SLC25A48: variants seen among roughly 807,000 people sequenced by gnomAD.
The protein encoded by SLC25A48 is CTC-321K16.1.
Under a neutral mutation model 32.2 loss-of-function variants are expected in SLC25A48, and 29 were observed. The ratio of observed to expected loss-of-function variants is 0.90; its 90% CI spans 0.67 to 1.23. SLC25A48 has a LOEUF of 1.23. Among genes scored for constraint, SLC25A48 ranks in the 50% most tolerant of loss-of-function variants. The probability of loss-of-function intolerance (pLI) is 0.00; values close to 1 mark genes in which losing one functional copy is unlikely to be tolerated. For synonymous variants in SLC25A48, 164 were observed against 172.3 expected (o/e 0.95, Z 0.38); for missense variants, 399 against 422.7 (o/e 0.94, Z 0.49).
At chr5:135,852,504 C>G in intron 3 of SLC25A48, 59 bp from the exon 4 acceptor site, 2 of 1,544,186 alleles carry the variant, frequency 1.3e-6, no homozygotes, top group South Asian at 1.2e-5. Flanking sequence ...CGTCAGCCTG[C>G]AGGCTCTGCG....
intron 3 of SLC25A48, among the ~76,000 whole-genome samples, chr5:135,795,662 A>T (rs568808031): frequency 1.3e-5 from 2 of 151,804 alleles, no homozygotes; most frequent in East Asian, 3.9e-4. Context: ...ATGGTTCATA[A>T]TATTCAGGGG....
chr5:135,805,188 G>C (rs11959683), intron 3 of SLC25A48, among the ~76,000 whole-genome samples: 1,777 of 150,898 alleles, frequency 0.012, 32 homozygotes, highest in African/African-American at 0.041. Context: ...TAATCTCCTA[G>C]GGAGATATTA....
chr5:135,742,103 A>C (rs867884773), intron 3 of SLC25A48, among the ~76,000 whole-genome samples: 6 of 152,094 alleles, frequency 3.9e-5, no homozygotes, highest in African/African-American at 1.4e-4. Flanking sequence ...TTTGTATTTG[A>C]GAGTCTCATT....
intron 3 of SLC25A48, among the ~76,000 whole-genome samples, chr5:135,732,992 G>A (rs901023321): frequency 9.9e-5 from 15 of 152,194 alleles, no homozygotes; most frequent in Admixed American, 9.8e-4. Context: ...TTTTATTAAA[G>A]AGGCATTAAT....
At chr5:135,585,136 C>A (rs1751333155) in intron 1 of SLC25A48, among the ~76,000 whole-genome samples, 1 of 152,108 alleles carries the variant, frequency 6.6e-6, no homozygotes, top group African/African-American at 2.4e-5. Flanking sequence ...AGGGTCTAGG[C>A]CCATCTTTAG....
chr5:135,733,730 G>A (rs1755286961), intron 3 of SLC25A48, among the ~76,000 whole-genome samples: 1 of 152,188 alleles, frequency 6.6e-6, no homozygotes. Flanking sequence ...CACTTCGGCT[G>A]TGTGTAATGA....
chr5:135,671,724 T>C (rs1269521652), intron 3 of SLC25A48: 3 of 152,216 alleles, frequency 2.0e-5, no homozygotes, highest in Non-Finnish European at 4.4e-5. Flanking sequence ...GAGAAGAACA[T>C]CAGAGCCTTT....
rs1580798008 is a variant in SLC25A48, at chr5:135,702,659, T to C, written c.-521+67703T>C. 2.0e-5 allele frequency among the ~76,000 whole-genome samples: 3 copies of C among 152,388 alleles called. No individual in the cohort carries two copies. The South Asian group carries it at 6.2e-4, about 32-fold the overall frequency. ...CTTACAGTCAGGAGAGTCTGGACCA[T>C]ACCTGGTGCTGTGTCCTCCTCCTGG... On this transcript the variant is annotated intron_variant, in intron 3 of 10. Transcript: ENST00000646290.
chr5:135,584,123 G>A (rs1171997843), intron 1 of SLC25A48, among the ~76,000 whole-genome samples: 1 of 152,240 alleles, frequency 6.6e-6, no homozygotes, highest in Non-Finnish European at 1.5e-5. Flanking sequence ...GGGGGGCTCT[G>A]TTACTCAGAT....
chr5:135,674,658 T>C (rs1753727572), intron 3 of SLC25A48, among the ~76,000 whole-genome samples: 1 of 152,022 alleles, frequency 6.6e-6, no homozygotes, highest in Non-Finnish European at 1.5e-5. Flanking sequence ...CATGTTGCTG[T>C]GAATGACATG....
intron 1 of SLC25A48, among the ~76,000 whole-genome samples, chr5:135,622,856 A>T (rs539136610): frequency 1.3e-5 from 2 of 152,250 alleles, no homozygotes; most frequent in Admixed American, 1.3e-4. Context: ...AATAATAAAA[A>T]GACTGTGTTT....
chr5:135,753,120 G>A (rs7380618), intron 3 of SLC25A48, among the ~76,000 whole-genome samples: 107,762 of 151,906 alleles, frequency 0.71, 39,680 homozygotes, highest in Middle Eastern at 0.83. Flanking sequence ...TATATTATGC[G>A]TAATATCACA....
In SLC25A48 at chr5:135,625,566, G is replaced by A. The variant is rs1752423907; in HGVS notation, c.-848-3671G>A. On this transcript the variant is annotated intron_variant, in intron 1 of 10. Transcript: ENST00000646290. ...AGGAGGACTGCCAGAGCCCAACATG[G>A]ATTGCCTACCTCTGCAGTCTCACTC... Among the ~76,000 whole-genome samples, 3 of 152,308 alleles carry A rather than the reference G, an allele frequency of 2.0e-5. No homozygotes were observed. The South Asian group carries it at 6.2e-4, about 32-fold the overall frequency.
chr5:135,870,220 T>G (rs1218781526), intron 4 of SLC25A48, among the ~76,000 whole-genome samples: 2 of 152,198 alleles, frequency 1.3e-5, no homozygotes, highest in African/African-American at 2.4e-5. Context: ...AAAATAGGCT[T>G]GTGGTCGCAG....
chr5:135,851,474 C>A (rs1254327464), intron 3 of SLC25A48, among the ~76,000 whole-genome samples: 1 of 152,166 alleles, frequency 6.6e-6, no homozygotes, highest in Non-Finnish European at 1.5e-5. Flanking sequence ...GGACTGCGGG[C>A]GGTTTCTCTG....
intron 3 of SLC25A48, among the ~76,000 whole-genome samples, chr5:135,640,316 C>T (rs1752801907): frequency 6.6e-6 from 1 of 152,064 alleles, no homozygotes; most frequent in Admixed American, 6.6e-5. Context: ...TGGAGGGCTT[C>T]AAAGATAAGA....
intron 2 of SLC25A48, among the ~76,000 whole-genome samples, chr5:135,850,086 T>G (rs4976496): frequency 0.77 from 117,197 of 152,078 alleles, 45,421 homozygotes; most frequent in Middle Eastern, 0.85. Flanking sequence ...GTCCCCCAAA[T>G]ATATTTTGGA....
intron 4 of SLC25A48, 95 bp downstream of exon 4, chr5:135,852,916 G>C: frequency 6.8e-7 from 1 of 1,460,828 alleles, no homozygotes; most frequent in Non-Finnish European, 9.1e-7. Context: ...TCCTTTTATT[G>C]AGCAAGGCAT....
rs1339652595 is a variant in SLC25A48 at position 135,686,136 on chromosome 5, A to C, written c.-521+51180A>C. Among the ~76,000 whole-genome samples, 3 of 152,144 alleles carry C rather than the reference A, an allele frequency of 2.0e-5. No individual in the cohort carries two copies. In the East Asian group the frequency reaches 5.8e-4, roughly 29 times the overall value. Reference sequence around the variant, plus strand: ...CCTGGGTTCAAATCTTCTCATCACCACTTAACCATCTCATCTTGGACACAT... The same window carrying C: ...CCTGGGTTCAAATCTTCTCATCACCCCTTAACCATCTCATCTTGGACACAT... On this transcript the variant is annotated intron_variant, in intron 3 of 10. Transcript: ENST00000646290.
Sources: gnomAD v4.1 joint callset for allele counts (sites outside exome capture counted in the v4.1 genomes callset) on GRCh38, gnomAD v4.1.1 for gene constraint, MANE v1.5 for transcripts, NCBI Gene and HGNC (gene_info 2026-07-23, HGNC 2026-07-21) for gene names.